Variants in CSMD1 observed in about 807,000 individuals in gnomAD.
The protein encoded by CSMD1 is CUB and sushi domain-containing protein 1.
CSMD1 carries 213 observed loss-of-function variants against 417.5 expected under a neutral mutation model. The ratio of observed to expected loss-of-function variants is 0.51; its 90% CI spans 0.46 to 0.57. CSMD1 has a LOEUF of 0.57. Ranked by LOEUF, CSMD1 falls within the 20% of genes least tolerant of loss-of-function variation. The probability of loss-of-function intolerance (pLI) is 0.00; values close to 1 mark genes in which losing one functional copy is unlikely to be tolerated. For missense variants in CSMD1, 6,923 were observed against 4,529.7 expected (o/e 1.53, Z -15.17); for synonymous variants, 2,862 against 1,736.8 (o/e 1.65, Z -16.11).
intron 41 of CSMD1, among the ~76,000 whole-genome samples, chr8:3,130,612 C>T (rs1817743159): frequency 6.6e-6 from 1 of 152,168 alleles, no homozygotes; most frequent in South Asian, 2.1e-4. Context: ...GCTCCCAGTG[C>T]ACCAGCCTTG....
Position 4,434,590 on chromosome 8 carries a change from T to C in CSMD1, c.303-14525A>G, listed in dbSNP as rs182898566. Among the ~76,000 whole-genome samples the C allele has an allele frequency of 1.8e-3, 269 of 152,272 alleles. 1 individual carries two copies. The highest frequency in any genetic ancestry group is 6.3e-3 in the African/African-American group (262 of 41,556). On this transcript the variant is annotated intron_variant, in intron 2 of 69. Transcript: ENST00000635120. ...GAGGAGGAGGAAGTTCATGTTACAG[T>C]CAATGAAGCTAATCCAAAATTTCCA...
At chr8:3,816,453 G>A (rs2929493) in intron 5 of CSMD1, among the ~76,000 whole-genome samples, 16,187 of 152,114 alleles carry the variant, frequency 0.11, 1,063 homozygotes, top group East Asian at 0.25. Flanking sequence ...GTTCTATTCC[G>A]TTAGTAGCTG....
At chr8:4,901,551 A>G (rs2117045339) in intron 1 of CSMD1, among the ~76,000 whole-genome samples, 1 of 151,862 alleles carries the variant, frequency 6.6e-6, no homozygotes, top group East Asian at 2.0e-4. Flanking sequence ...CTCCCCACCA[A>G]AAAAGTGAAA....
At chr8:4,096,244 T>A (rs1801002349) in intron 3 of CSMD1, among the ~76,000 whole-genome samples, 1 of 152,152 alleles carries the variant, frequency 6.6e-6, no homozygotes, top group South Asian at 2.1e-4. Flanking sequence ...AGCAACCGAC[T>A]TTCCCTGCTA....
intron 18 of CSMD1, among the ~76,000 whole-genome samples, chr8:3,379,447 C>G (rs1373544623): frequency 6.6e-6 from 1 of 152,112 alleles, no homozygotes; most frequent in Non-Finnish European, 1.5e-5. Context: ...CAAATGAATC[C>G]TAAGCCAAAA....
intron 10 of CSMD1, among the ~76,000 whole-genome samples, chr8:3,521,053 C>A (rs930058814): frequency 6.6e-6 from 1 of 152,146 alleles, no homozygotes; most frequent in Non-Finnish European, 1.5e-5. Context: ...AACTTTATGC[C>A]TCCAGTCACA....
At chr8:3,454,303 C>T (rs1467574589) in intron 12 of CSMD1, among the ~76,000 whole-genome samples, 10 of 152,078 alleles carry the variant, frequency 6.6e-5, no homozygotes, top group African/African-American at 9.7e-5. Flanking sequence ...GAGCATTTGG[C>T]CCATTTACAT....
At chr8:4,694,992 G>A (rs755628055) in intron 1 of CSMD1, among the ~76,000 whole-genome samples, 14 of 151,670 alleles carry the variant, frequency 9.2e-5, no homozygotes, top group African/African-American at 1.5e-4. Context: ...AAAATACGAA[G>A]GTATTAAAAT....
At chr8:4,736,779 T>G (rs1055821267) in intron 1 of CSMD1, among the ~76,000 whole-genome samples, 1 of 152,210 alleles carries the variant, frequency 6.6e-6, no homozygotes, top group African/African-American at 2.4e-5. Flanking sequence ...GTCCCCACTC[T>G]AACACTTTTG....
intron 21 of CSMD1, 148 bp from the exon 22 acceptor site, chr8:3,348,309 T>TC: frequency 1.6e-6 from 1 of 628,310 alleles, no homozygotes; most frequent in Admixed American, 3.7e-5. Context: ...TCAGTGATTT[T>TC]TTTTTATTGT....
intron 1 of CSMD1, among the ~76,000 whole-genome samples, chr8:4,834,274 C>G (rs1461978769): frequency 6.6e-6 from 1 of 151,860 alleles, no homozygotes; most frequent in South Asian, 2.1e-4. Context: ...AAGTATCTAC[C>G]GAAAATCATT....
chr8:2,947,231 G>A (rs951138438), intron 68 of CSMD1, among the ~76,000 whole-genome samples: 10 of 152,088 alleles, frequency 6.6e-5, no homozygotes, highest in Admixed American at 2.6e-4. Flanking sequence ...AGTTTCTTAC[G>A]CAAGTTTTTG....
chr8:3,519,174 A>T (rs1281101373), intron 10 of CSMD1, among the ~76,000 whole-genome samples: 5 of 152,216 alleles, frequency 3.3e-5, no homozygotes, highest in Non-Finnish European at 7.3e-5. Context: ...AAATTCCTTA[A>T]TCCTGAACAC....
At chr8:4,501,458 C>A (rs749220667) in intron 2 of CSMD1, among the ~76,000 whole-genome samples, 3 of 152,120 alleles carry the variant, frequency 2.0e-5, no homozygotes, top group Non-Finnish European at 4.4e-5. Flanking sequence ...TTCAAGAATA[C>A]TTTTCTCATG....
intron 36 of CSMD1, among the ~76,000 whole-genome samples, chr8:3,186,859 G>C (rs918314889): frequency 1.3e-5 from 2 of 152,194 alleles, no homozygotes; most frequent in Non-Finnish European, 2.9e-5. Flanking sequence ...TGGTAAAACA[G>C]AGATAGCAAT....
intron 10 of CSMD1, among the ~76,000 whole-genome samples, chr8:3,496,609 T>C (rs915790681): frequency 6.6e-6 from 1 of 152,174 alleles, no homozygotes. Flanking sequence ...GGGTGGGTCA[T>C]GAGGTCAGGA....
At chr8:3,985,740 T>C (rs1814273860) in intron 5 of CSMD1, among the ~76,000 whole-genome samples, 1 of 134,750 alleles carries the variant, frequency 7.4e-6, no homozygotes, top group Admixed American at 8.1e-5. Flanking sequence ...AAGGCTGCCT[T>C]TAAAATGTTA....
At chr8:4,248,163 C>T (rs536567777) in intron 3 of CSMD1, among the ~76,000 whole-genome samples, 1 of 151,890 alleles carries the variant, frequency 6.6e-6, no homozygotes, top group Non-Finnish European at 1.5e-5. Flanking sequence ...AAAAAAATTG[C>T]TTTGAAACTT....
chr8:4,299,144 G>C (rs560532169), intron 3 of CSMD1, among the ~76,000 whole-genome samples: 30 of 152,268 alleles, frequency 2.0e-4, no homozygotes, highest in Admixed American at 1.4e-3. Flanking sequence ...TGCCAAAACA[G>C]ATCGTGCTTT....
Sources: gnomAD v4.1 joint callset for allele counts (sites outside exome capture counted in the v4.1 genomes callset) on GRCh38, gnomAD v4.1.1 for gene constraint, MANE v1.5 for transcripts, NCBI Gene and HGNC (gene_info 2026-07-23, HGNC 2026-07-21) for gene names.